Variants in EXOC2 observed in about 807,000 individuals in gnomAD.
EXOC2 encodes the protein SEC5-like 1.
In EXOC2, 70 loss-of-function variants were observed where a neutral mutation model predicts 131.8. The observed-to-expected ratio is 0.53, with a 90% CI of 0.44 to 0.65. EXOC2 has a LOEUF of 0.65. Ranked by LOEUF, EXOC2 falls within the 30% of genes least tolerant of loss-of-function variation. The probability of loss-of-function intolerance (pLI) is 0.00; values close to 1 mark genes in which losing one functional copy is unlikely to be tolerated. For missense variants in EXOC2, 923 were observed against 1,108.6 expected, an observed-to-expected ratio of 0.83 and a Z score of 2.38; for synonymous variants, 411 against 398.4, an observed-to-expected ratio of 1.03 and a Z score of -0.38.
At chr6:566,105 A>T (rs904952467) in intron 13 of EXOC2, among the ~76,000 whole-genome samples, 7 of 152,220 alleles carry the variant, frequency 4.6e-5, no homozygotes, top group Non-Finnish European at 7.3e-5. Context: ...TGAAAGAATT[A>T]AAGGTATGTA....
Position 553,904 on chromosome 6 carries a change from A to AAACATC in EXOC2, c.2065_2070dup (p.Asp689_Val690dup). 6.2e-7 allele frequency: 1 copy of AAACATC among 1,614,116 alleles called. No individual in the cohort carries two copies. The highest frequency in any genetic ancestry group is 8.5e-7 in the Non-Finnish European group (1 of 1,179,930). On this transcript the variant is annotated inframe_insertion, in exon 21 of 28. Coordinates refer to ENST00000230449, the MANE Select transcript of EXOC2 (RefSeq NM_018303.6). ...ATACTTCCAAACAAGTCAGGGGAAG[A>AAACATC]AACATCAACAGAGAGACTGAACATA...
intron 23 of EXOC2, among the ~76,000 whole-genome samples, chr6:523,302 G>A (rs532805005): frequency 2.0e-5 from 3 of 152,210 alleles, no homozygotes; most frequent in Non-Finnish European, 2.9e-5. Context: ...GAGCACACTC[G>A]TGCTTACCAC....
intron 22 of EXOC2, among the ~76,000 whole-genome samples, chr6:533,271 T>C (rs1455070554): frequency 3.3e-5 from 5 of 151,960 alleles, no homozygotes; most frequent in Non-Finnish European, 5.9e-5. Context: ...CAAGAGGCAT[T>C]ATAAATACTA....
intron 23 of EXOC2, among the ~76,000 whole-genome samples, chr6:526,343 A>T (rs1765735295): frequency 6.7e-6 from 1 of 149,156 alleles, no homozygotes; most frequent in African/African-American, 2.5e-5. Flanking sequence ...ATTTTATCCT[A>T]TTCTTATATT....
chr6:591,072 C>G (rs1759514865), intron 11 of EXOC2, among the ~76,000 whole-genome samples: 1 of 152,192 alleles, frequency 6.6e-6, no homozygotes, highest in African/African-American at 2.4e-5. Context: ...CATCATCCAG[C>G]CCTATCAGTT....
chr6:580,318 G>A (rs75558096), intron 11 of EXOC2, among the ~76,000 whole-genome samples: 17,758 of 152,172 alleles, frequency 0.12, 1,231 homozygotes, highest in Middle Eastern at 0.15. Context: ...GGGATTACAG[G>A]AGTGAGCCAC....
chr6:592,370 A>G, intron 11 of EXOC2, 99 bp downstream of exon 11: 1 of 1,036,922 alleles, frequency 9.6e-7, no homozygotes, highest in Non-Finnish European at 1.5e-6. Flanking sequence ...AGAGATACCA[A>G]GTAAATTAGG....
rs775349492 is a variant in EXOC2, at chr6:499,634, TG to T, written c.2436+10del. On this transcript the variant is annotated intron_variant, in intron 24 of 27. Transcript: ENST00000230449. ...ATCCATATCTCTTAGGAACATCTAA[TG>T]ATACTTTACCTCTGCATGCACGGCA... 7 of 1,610,242 alleles carry T rather than the reference TG, an allele frequency of 4.3e-6. No homozygotes were observed. The highest frequency in any genetic ancestry group is 1.6e-4 in the Middle Eastern group (1 of 6,072).
chr6:549,042 C>G, intron 22 of EXOC2, 133 bp downstream of exon 22: 4 of 714,206 alleles, frequency 5.6e-6, no homozygotes, highest in South Asian at 1.6e-5. Flanking sequence ...AGGGTGAAGG[C>G]GGGGAAGCAG....
At chr6:670,583 A>G (rs1763818748) in intron 1 of EXOC2, among the ~76,000 whole-genome samples, 1 of 152,158 alleles carries the variant, frequency 6.6e-6, no homozygotes, top group Admixed American at 6.5e-5. Flanking sequence ...AATTAAATCC[A>G]CAGAATGCTT....
chr6:656,478 CTCGCG>C lies in EXOC2; in HGVS notation c.-43-18622_-43-18618del, dbSNP rs1321021076. The C allele has an allele frequency of 5.6e-6, 9 of 1,610,752 alleles. No individual in the cohort carries two copies. In the African/African-American group the frequency reaches 8.0e-5, roughly 14 times the overall value. On this transcript the variant is annotated intron_variant, in intron 1 of 27. Coordinates refer to ENST00000230449, the MANE Select transcript of EXOC2 (RefSeq NM_018303.6). ...CGTCCTCCAGCGCGGCAGGCGGATG[CTCGCG>C]TCGGAGGCGCGCAGGCTGGGCGGCA...
At chr6:652,488 T>A (rs1377513155) in intron 1 of EXOC2, among the ~76,000 whole-genome samples, 1 of 152,218 alleles carries the variant, frequency 6.6e-6, no homozygotes. Flanking sequence ...GAATTTACTA[T>A]GTAAACATAA....
intron 10 of EXOC2, among the ~76,000 whole-genome samples, chr6:596,423 A>C (rs990824126): frequency 6.6e-6 from 1 of 150,968 alleles, no homozygotes; most frequent in Non-Finnish European, 1.5e-5. Flanking sequence ...GCTCGAGTGC[A>C]GTGGTACGAT....
intron 27 of EXOC2, among the ~76,000 whole-genome samples, chr6:488,317 C>T (rs552057890): frequency 2.6e-4 from 39 of 152,308 alleles, no homozygotes; most frequent in African/African-American, 8.4e-4. Flanking sequence ...CCGGCAGCCA[C>T]GTGCAGGGCG....
At chr6:492,537 T>C (rs1432649555) in intron 25 of EXOC2, among the ~76,000 whole-genome samples, 1 of 152,186 alleles carries the variant, frequency 6.6e-6, no homozygotes, top group Non-Finnish European at 1.5e-5. Flanking sequence ...ATAAATAAAA[T>C]GTGGCATATT....
chr6:512,028 T>C lies in EXOC2; in HGVS notation c.2381-12328A>G, dbSNP rs1230615098. 3.3e-5 allele frequency among the ~76,000 whole-genome samples: 5 copies of C among 152,318 alleles called. No homozygotes were observed. The East Asian group carries it at 7.7e-4, about 24-fold the overall frequency. On this transcript the variant is annotated intron_variant, in intron 23 of 27. Transcript: ENST00000230449. ...TCACAGCTTTGCCATACTTGGAAAC[T>C]CTCCCTCATGGGTTGGTGTTTGTCA...
At chr6:658,730 C>T (rs528473160) in intron 1 of EXOC2, among the ~76,000 whole-genome samples, 10 of 144,888 alleles carry the variant, frequency 6.9e-5, no homozygotes, top group Admixed American at 2.8e-4. Context: ...GGCGTGATCT[C>T]GGCTCACTGC....
intron 2 of EXOC2, 62 bp downstream of exon 2, chr6:637,637 CTT>C (rs1762162669): frequency 4.8e-6 from 6 of 1,251,314 alleles, no homozygotes; most frequent in East Asian, 2.4e-5. Context: ...AATTACATAT[CTT>C]GTCTCCCTTG....
chr6:534,297 C>T (rs994695605), intron 22 of EXOC2, among the ~76,000 whole-genome samples: 1 of 152,088 alleles, frequency 6.6e-6, no homozygotes, highest in Non-Finnish European at 1.5e-5. Context: ...TTAACTGGAT[C>T]TAAAGAAAGA....
Sources: gnomAD v4.1 joint callset for allele counts (sites outside exome capture counted in the v4.1 genomes callset) on GRCh38, gnomAD v4.1.1 for gene constraint, MANE v1.5 for transcripts, NCBI Gene and HGNC (gene_info 2026-07-23, HGNC 2026-07-21) for gene names.